Variants in SUGCT observed in about 807,000 individuals in gnomAD.
SUGCT encodes succinyl-CoA:glutarate CoA-transferase.
A neutral mutation model predicts 55.0 loss-of-function variants in SUGCT; 41 were observed. The ratio of observed to expected loss-of-function variants is 0.74; its 90% CI spans 0.58 to 0.97. SUGCT has a LOEUF of 0.97. Ranked by LOEUF, SUGCT falls within the 50% of genes least tolerant of loss-of-function variation. SUGCT has a pLI of 0.00. For missense variants in SUGCT, 568 were observed against 547.8 expected (o/e 1.04, Z -0.37); for synonymous variants, 187 against 200.4 (o/e 0.93, Z 0.56).
At chr7:40,854,878 G>A (rs1193780839) in intron 13 of SUGCT, among the ~76,000 whole-genome samples, 1 of 152,076 alleles carries the variant, frequency 6.6e-6, no homozygotes, top group East Asian at 1.9e-4. Flanking sequence ...CGAGGCCGCA[G>A]TGAGCTATGA....
the SUGCT span, among the ~76,000 whole-genome samples, chr7:40,998,227 C>T: frequency 6.6e-6 from 1 of 152,052 alleles, no homozygotes; most frequent in Non-Finnish European, 1.5e-5. Flanking sequence ...AATAAATTAG[C>T]CTGGCATGGT....
intron 9 of SUGCT, among the ~76,000 whole-genome samples, chr7:40,432,604 T>C (rs1787953302): frequency 6.7e-6 from 1 of 149,696 alleles, no homozygotes. Context: ...GAGAATTGCT[T>C]GAACCCGGGA....
chr7:40,936,271 T>C, the SUGCT span, among the ~76,000 whole-genome samples: 70,431 of 150,960 alleles, frequency 0.47, 16,874 homozygotes, highest in Admixed American at 0.54. Context: ...AATCTCCTTA[T>C]CTTTTATAGG....
intron 1 of SUGCT, chr7:40,151,526 A>T (rs1468421117): frequency 1.6e-5 from 3 of 184,878 alleles, no homozygotes; most frequent in Admixed American, 5.3e-5. Flanking sequence ...GCACGAGGAT[A>T]GTATAGATAT....
chr7:41,025,287 G>A, the SUGCT span, among the ~76,000 whole-genome samples: 1 of 152,112 alleles, frequency 6.6e-6, no homozygotes. Context: ...TTAAATCTAG[G>A]GTTGGATATA....
At chr7:40,358,454 T>G (rs535415081) in intron 9 of SUGCT, among the ~76,000 whole-genome samples, 1 of 152,306 alleles carries the variant, frequency 6.6e-6, no homozygotes, top group South Asian at 2.1e-4. Context: ...GGCTCATGCC[T>G]GTAATGCCAA....
At chr7:40,194,802 T>A in intron 5 of SUGCT, 138 bp from the exon 6 acceptor site, 1 of 991,812 alleles carries the variant, frequency 1.0e-6, no homozygotes. Context: ...AGAACTTCTA[T>A]GTTTATCTAA....
At chr7:40,942,976 C>A in the SUGCT span, among the ~76,000 whole-genome samples, 3 of 151,776 alleles carry the variant, frequency 2.0e-5, no homozygotes, top group Non-Finnish European at 2.9e-5. Context: ...ATTTTTTTTA[C>A]ATTTCTTTAT....
chr7:40,419,740 A>G (rs995495262), intron 9 of SUGCT, among the ~76,000 whole-genome samples: 6 of 152,184 alleles, frequency 3.9e-5, no homozygotes, highest in African/African-American at 1.2e-4. Flanking sequence ...ACCTGGTTCT[A>G]TTCATTGACT....
At chr7:40,165,596 T>A (rs1394581013) in intron 1 of SUGCT, among the ~76,000 whole-genome samples, 2 of 152,224 alleles carry the variant, frequency 1.3e-5, no homozygotes, top group African/African-American at 4.8e-5. Flanking sequence ...TCCAACTGTT[T>A]CATGCCTTGT....
intron 8 of SUGCT, among the ~76,000 whole-genome samples, chr7:40,279,265 A>C: frequency 6.6e-6 from 1 of 152,170 alleles, no homozygotes; most frequent in East Asian, 1.9e-4. Context: ...ACATGATTTC[A>C]CTGGTTTAAG....
chr7:40,182,111 A>AC, intron 3 of SUGCT, 83 bp downstream of exon 3: 2 of 765,476 alleles, frequency 2.6e-6, no homozygotes, highest in Non-Finnish European at 4.3e-6. Context: ...TGTTTAGTGT[A>AC]CCTATAAGTG....
intron 9 of SUGCT, among the ~76,000 whole-genome samples, chr7:40,446,986 C>A (rs1481376292): frequency 6.6e-6 from 1 of 151,960 alleles, no homozygotes; most frequent in African/African-American, 2.4e-5. Flanking sequence ...TATAATTCAC[C>A]CATTTATAGT....
intron 11 of SUGCT, among the ~76,000 whole-genome samples, chr7:40,466,774 A>G (rs116019392): frequency 0.011 from 1,616 of 152,312 alleles, 18 homozygotes; most frequent in Middle Eastern, 0.048. Flanking sequence ...TGAATGAACT[A>G]GAGAACCTGT....
At chr7:40,333,869 A>C (rs60039184) in intron 9 of SUGCT, among the ~76,000 whole-genome samples, 1,867 of 150,886 alleles carry the variant, frequency 0.012, 33 homozygotes, top group African/African-American at 0.042. Flanking sequence ...CGTCATTTAC[A>C]TTAGGCATAT....
chr7:40,181,927 AATTT>A (rs374484532), intron 2 of SUGCT, 24 bp from the exon 3 acceptor site: 3 of 1,361,106 alleles, frequency 2.2e-6, no homozygotes, highest in African/African-American at 1.5e-5. Context: ...GATGGTAATT[AATTT>A]ATTTATCATT....
At chr7:40,435,171 C>G (rs1310340129) in intron 9 of SUGCT, among the ~76,000 whole-genome samples, 2 of 152,166 alleles carry the variant, frequency 1.3e-5, no homozygotes, top group Non-Finnish European at 2.9e-5. Flanking sequence ...CTCTATGCTT[C>G]AAGGCCAACT....
chr7:40,524,134 T>A (rs1286197304), intron 12 of SUGCT, among the ~76,000 whole-genome samples: 2 of 152,118 alleles, frequency 1.3e-5, no homozygotes, highest in African/African-American at 4.8e-5. Context: ...TTGTCCTTAG[T>A]TAGTTTATTA....
intron 13 of SUGCT, among the ~76,000 whole-genome samples, chr7:40,857,836 G>A (rs1232793971): frequency 6.6e-6 from 1 of 152,168 alleles, no homozygotes; most frequent in Non-Finnish European, 1.5e-5. Context: ...CTGGATTTGG[G>A]AGGAATGAGG....
Sources: gnomAD v4.1 joint callset for allele counts (sites outside exome capture counted in the v4.1 genomes callset) on GRCh38, gnomAD v4.1.1 for gene constraint, MANE v1.5 for transcripts, NCBI Gene and HGNC (gene_info 2026-07-23, HGNC 2026-07-21) for gene names.